Variants in TCF12 observed in about 807,000 individuals in gnomAD.
TCF12 encodes the protein DNA-binding protein HTF4.
A neutral mutation model predicts 86.0 loss-of-function variants in TCF12; 45 were observed. The observed-to-expected ratio is 0.52, with a 90% CI of 0.41 to 0.67. The LOEUF is 0.67. TCF12 is among the 30% of genes least tolerant of loss of function. The pLI, the probability that TCF12 is intolerant of heterozygous loss-of-function variation, is 0.00. For missense variants in TCF12, 881 were observed against 859.9 expected, an observed-to-expected ratio of 1.02 and a Z score of -0.31; for synonymous variants, 330 against 299.6, an observed-to-expected ratio of 1.10 and a Z score of -1.05.
chr15:56,987,981 G>A (rs1438092432), intron 3 of TCF12, among the ~76,000 whole-genome samples: 1 of 152,110 alleles, frequency 6.6e-6, no homozygotes, highest in Non-Finnish European at 1.5e-5. Flanking sequence ...CTGGTCATGT[G>A]ATATTTCATA....
chr15:57,213,577 A>T (rs2058206314), intron 8 of TCF12, among the ~76,000 whole-genome samples: 1 of 152,222 alleles, frequency 6.6e-6, no homozygotes, highest in African/African-American at 2.4e-5. Flanking sequence ...GCAGATGTTA[A>T]CTTCTGGTCT....
intron 3 of TCF12, among the ~76,000 whole-genome samples, chr15:56,950,522 G>C (rs1262854385): frequency 6.6e-5 from 10 of 152,078 alleles, no homozygotes; most frequent in Non-Finnish European, 1.0e-4. Flanking sequence ...CACTGCGCCT[G>C]GGTGCATTTC....
rs115664567 is a variant in TCF12, at chr15:57,084,946, C to T, written c.223-6843C>T. 6.2e-3 allele frequency among the ~76,000 whole-genome samples: 938 copies of T among 152,080 alleles called. 9 individuals are homozygous for T. The highest frequency in any genetic ancestry group is 0.021 in the African/African-American group (891 of 41,498). ...TTTAGATATGTCACACTATATAGTA[C>T]AGTTTTTAAGGACAGGTAATTTTAT... On this transcript the variant is annotated intron_variant, in intron 4 of 20. Transcript: ENST00000333725.
chr15:57,049,952 G>A (rs984250907), intron 3 of TCF12, among the ~76,000 whole-genome samples: 29 of 152,106 alleles, frequency 1.9e-4, no homozygotes, highest in African/African-American at 7.0e-4. Flanking sequence ...TTTGTATTCA[G>A]TTTTAATTCC....
chr15:57,253,153 C>T (rs1441920771), intron 15 of TCF12, 109 bp from the exon 16 acceptor site: 2 of 1,197,486 alleles, frequency 1.7e-6, no homozygotes, highest in African/African-American at 1.5e-5. Context: ...CTACTTGATA[C>T]TGCATTTCAC....
At chr15:57,070,396 G>T (rs1460157709) in intron 4 of TCF12, among the ~76,000 whole-genome samples, 1 of 151,976 alleles carries the variant, frequency 6.6e-6, no homozygotes, top group Admixed American at 6.5e-5. Context: ...AAAATATGTG[G>T]GTACAAGGAT....
intron 3 of TCF12, among the ~76,000 whole-genome samples, chr15:56,970,491 A>C (rs1220476950): frequency 2.0e-5 from 3 of 151,310 alleles, no homozygotes; most frequent in East Asian, 1.9e-4. Context: ...AAAAAAAAAA[A>C]AAAAAAAAAA....
chr15:57,186,013 T>C (rs191665233), intron 6 of TCF12, among the ~76,000 whole-genome samples: 2 of 152,332 alleles, frequency 1.3e-5, no homozygotes, highest in East Asian at 3.8e-4. Flanking sequence ...CTACTGACTT[T>C]ATAGAAATAA....
chr15:56,978,013 AAAG>A (rs1290600392), intron 3 of TCF12, among the ~76,000 whole-genome samples: 2 of 152,218 alleles, frequency 1.3e-5, no homozygotes, highest in African/African-American at 4.8e-5. Flanking sequence ...AAAAATTAAA[AAAG>A]ATAAAATATG....
intron 6 of TCF12, among the ~76,000 whole-genome samples, chr15:57,170,633 TATATATATA>T (rs1449161967): frequency 4.5e-4 from 16 of 35,366 alleles, no homozygotes; most frequent in Admixed American, 1.2e-3. Context: ...TAATTTTATA[TATATATATA>T]ATATATATAT....
At chr15:57,068,341 A>G (rs908311694) in intron 4 of TCF12, among the ~76,000 whole-genome samples, 6 of 152,210 alleles carry the variant, frequency 3.9e-5, no homozygotes, top group Admixed American at 3.3e-4. Flanking sequence ...CATTAGATCT[A>G]TATTTAACAA....
chr15:57,273,390 A>G, intron 19 of TCF12, 128 bp downstream of exon 19: 1 of 971,542 alleles, frequency 1.0e-6, no homozygotes. Flanking sequence ...CTGTATCATC[A>G]GGGTCGTTTT....
intron 3 of TCF12, among the ~76,000 whole-genome samples, chr15:57,028,749 A>G (rs2141324005): frequency 6.6e-6 from 1 of 151,586 alleles, no homozygotes; most frequent in South Asian, 2.1e-4. Context: ...ATTGTGAAGA[A>G]TTTTTCTTGT....
Position 56,939,884 on chromosome 15 carries a change from T to C in TCF12, c.148+18786T>C, listed in dbSNP as rs2060648087. On this transcript the variant is annotated intron_variant, in intron 3 of 20. Transcript: ENST00000333725. ...TGGCCAAGTAGTAAAGCCATGGAGG[T>C]TGTATGTGAAAACAGCTGGTTCTGT... is the stretch of plus-strand genomic sequence containing the variant. 4.0e-5 allele frequency among the ~76,000 whole-genome samples: 6 copies of C among 151,836 alleles called. No homozygotes were observed. In the South Asian group the frequency reaches 1.2e-3, roughly 32 times the overall value.
intron 4 of TCF12, among the ~76,000 whole-genome samples, chr15:57,080,791 A>T (rs1310453839): frequency 6.6e-5 from 10 of 152,196 alleles, no homozygotes; most frequent in African/African-American, 2.4e-4. Context: ...ATTCTTAACT[A>T]TAATTGCCAA....
chr15:57,247,494 G>C, intron 13 of TCF12: 1 of 784,916 alleles, frequency 1.3e-6, no homozygotes, highest in Non-Finnish European at 2.2e-6. Flanking sequence ...TGGCATTTCT[G>C]AACAACAATT....
In TCF12 at chr15:56,995,231, C is replaced by CTTTTTTTTTTTTTTTT. The variant is rs557610511; in HGVS notation, c.149-68506_149-68491dup. Among the ~76,000 whole-genome samples, 65 of 30,302 alleles carry CTTTTTTTTTTTTTTTT rather than the reference C, an allele frequency of 2.1e-3. 17 individuals are homozygous for CTTTTTTTTTTTTTTTT. The highest frequency in any genetic ancestry group is 6.0e-3 in the East Asian group (4 of 672). The allele number at this position is 30,302 out of a possible 152,430, so 19.9% of individuals were successfully genotyped here. ...AAGTCAGGTAATGTGATACCTGCAG[C>CTTTTTTTTTTTTTTTT]TTTTTTTTTTTTTTTTTTTTTTTTT... On this transcript the variant is annotated intron_variant, in intron 3 of 20. Transcript: ENST00000333725.
At chr15:57,161,841 AATT>A (rs1169294672) in intron 5 of TCF12, among the ~76,000 whole-genome samples, 1 of 152,204 alleles carries the variant, frequency 6.6e-6, no homozygotes, top group Non-Finnish European at 1.5e-5. Flanking sequence ...TATGCTTTCA[AATT>A]ATTATTAGTC....
chr15:56,922,807 T>A (rs2059848628), intron 3 of TCF12, among the ~76,000 whole-genome samples: 1 of 151,998 alleles, frequency 6.6e-6, no homozygotes, highest in Non-Finnish European at 1.5e-5. Context: ...GAAAATGCCA[T>A]GTGATTTTTT....
Sources: gnomAD v4.1 joint callset for allele counts (sites outside exome capture counted in the v4.1 genomes callset) on GRCh38, gnomAD v4.1.1 for gene constraint, MANE v1.5 for transcripts, NCBI Gene and HGNC (gene_info 2026-07-23, HGNC 2026-07-21) for gene names.